Variants in NKAIN3 observed in about 807,000 individuals in gnomAD.
NKAIN3 encodes sodium/potassium transporting ATPase interacting 3.
Under a neutral mutation model 30.2 loss-of-function variants are expected in NKAIN3, and 25 were observed. The ratio of observed to expected loss-of-function variants is 0.83; its 90% CI spans 0.60 to 1.16. The LOEUF is 1.16. Ranked by LOEUF, NKAIN3 falls within the 50% of genes most tolerant of loss-of-function variation. The pLI, the probability that NKAIN3 is intolerant of heterozygous loss-of-function variation, is 0.00. For missense variants in NKAIN3, 225 were observed against 254.1 expected (o/e 0.89, Z 0.78); for synonymous variants, 91 against 89.6 (o/e 1.02, Z -0.09).
chr8:62,781,999 A>G (rs747002153), intron 4 of NKAIN3, among the ~76,000 whole-genome samples: 28 of 152,088 alleles, frequency 1.8e-4, no homozygotes, highest in Non-Finnish European at 3.8e-4. Context: ...GAGTGAAAAG[A>G]CAACCTCTTG....
At chr8:62,991,942 T>C (rs1246852609) in intron 5 of NKAIN3, among the ~76,000 whole-genome samples, 2 of 150,286 alleles carry the variant, frequency 1.3e-5, no homozygotes, top group African/African-American at 2.5e-5. Context: ...TAGCTGGAGT[T>C]GAGGTGCCAC....
chr8:62,711,658 G>A (rs1586116744), intron 3 of NKAIN3, among the ~76,000 whole-genome samples: 2 of 151,866 alleles, frequency 1.3e-5, no homozygotes, highest in Admixed American at 1.3e-4. Context: ...AACATTTTTT[G>A]GATTTCCTTG....
At chr8:62,804,551 A>G (rs1586215314) in intron 4 of NKAIN3, among the ~76,000 whole-genome samples, 1 of 152,214 alleles carries the variant, frequency 6.6e-6, no homozygotes, top group African/African-American at 2.4e-5. Context: ...GACAAAAACC[A>G]CACGATTATC....
intron 5 of NKAIN3, among the ~76,000 whole-genome samples, chr8:62,952,684 C>T (rs939198212): frequency 3.3e-5 from 5 of 152,152 alleles, no homozygotes; most frequent in African/African-American, 9.7e-5. Flanking sequence ...CAAACCAAAG[C>T]ACCTCCAAAA....
At chr8:62,870,291 G>GAT (rs1820584018) in intron 4 of NKAIN3, among the ~76,000 whole-genome samples, 1 of 32,304 alleles carries the variant, frequency 3.1e-5, no homozygotes, top group Non-Finnish European at 6.3e-5. Flanking sequence ...AATATCTATA[G>GAT]ATATATATAC....
At chr8:62,301,913 A>T (rs1421139243) in intron 1 of NKAIN3, among the ~76,000 whole-genome samples, 1 of 152,074 alleles carries the variant, frequency 6.6e-6, no homozygotes, top group Non-Finnish European at 1.5e-5. Context: ...GTTCTATTTC[A>T]TCTTGGAAAG....
chr8:62,383,519 C>G (rs1200879916), intron 1 of NKAIN3: 1 of 455,422 alleles, frequency 2.2e-6, no homozygotes, highest in African/African-American at 2.0e-5. Flanking sequence ...GCAGATCTTT[C>G]TCCTCAATGA....
intron 1 of NKAIN3, among the ~76,000 whole-genome samples, chr8:62,422,386 A>C (rs903797840): frequency 6.6e-6 from 1 of 152,148 alleles, no homozygotes; most frequent in African/African-American, 2.4e-5. Flanking sequence ...CAGAATTGGA[A>C]TGTGAAAAAT....
At chr8:62,931,931 G>A (rs933944157) in intron 5 of NKAIN3, among the ~76,000 whole-genome samples, 2 of 152,010 alleles carry the variant, frequency 1.3e-5, no homozygotes, top group Non-Finnish European at 2.9e-5. Context: ...ATTTTAAGTA[G>A]GCTGCTAACT....
chr8:62,308,577 T>A (rs562012991), intron 1 of NKAIN3, among the ~76,000 whole-genome samples: 1 of 150,586 alleles, frequency 6.6e-6, no homozygotes, highest in Admixed American at 6.6e-5. Context: ...GGAAAAGATA[T>A]AAGGATGGCC....
At chr8:62,249,205 G>T (rs1812002250) in intron 1 of NKAIN3, 78 bp downstream of exon 1, 4 of 1,240,742 alleles carry the variant, frequency 3.2e-6, no homozygotes, top group Admixed American at 4.7e-5. Flanking sequence ...CTGCGGTTCC[G>T]CAGCTCCCGG....
intron 3 of NKAIN3, among the ~76,000 whole-genome samples, chr8:62,724,685 T>C (rs916343914): frequency 2.0e-5 from 3 of 152,142 alleles, no homozygotes; most frequent in African/African-American, 7.2e-5. Flanking sequence ...TCCAGTTCCA[T>C]CCATGTTGTT....
intron 4 of NKAIN3, among the ~76,000 whole-genome samples, chr8:62,882,700 G>A (rs921969110): frequency 6.6e-6 from 1 of 151,952 alleles, no homozygotes; most frequent in Non-Finnish European, 1.5e-5. Flanking sequence ...TTATAGTTTT[G>A]TGTTTTACAT....
chr8:62,530,932 A>G (rs2129838435), intron 1 of NKAIN3, among the ~76,000 whole-genome samples: 1 of 152,212 alleles, frequency 6.6e-6, no homozygotes, highest in East Asian at 1.9e-4. Flanking sequence ...GGCGTGAACC[A>G]CCGTGCCTGG....
chr8:62,605,607 A>G lies in NKAIN3; in HGVS notation c.273+15813A>G, dbSNP rs949005279. On this transcript the variant is annotated intron_variant, in intron 3 of 6. Coordinates refer to ENST00000623646, the MANE Select transcript of NKAIN3 (RefSeq NM_001304533.3). ...GATCAAAACTATTTGGAAGAAAGCA[A>G]TAAAAAGTAACAATACAGAAATAAA... Among the ~76,000 whole-genome samples, 3 of 152,046 alleles carry G rather than the reference A, an allele frequency of 2.0e-5. 1 individual carries two copies. The South Asian group carries it at 6.2e-4, about 32-fold the overall frequency.
intron 3 of NKAIN3, among the ~76,000 whole-genome samples, chr8:62,708,254 C>A (rs775725699): frequency 1.4e-4 from 22 of 152,044 alleles, no homozygotes; most frequent in South Asian, 4.1e-4. Context: ...TTATCTAATT[C>A]TGTGAGGAAT....
At chr8:62,810,938 T>C (rs531242079) in intron 4 of NKAIN3, among the ~76,000 whole-genome samples, 5 of 152,278 alleles carry the variant, frequency 3.3e-5, no homozygotes, top group Non-Finnish European at 7.4e-5. Context: ...TGCCGAACTA[T>C]AGTACAATAT....
At chr8:62,342,335 T>C (rs1815778486) in intron 1 of NKAIN3, among the ~76,000 whole-genome samples, 1 of 152,014 alleles carries the variant, frequency 6.6e-6, no homozygotes, top group African/African-American at 2.4e-5. Context: ...AAGTATATTA[T>C]TTTATTGGCA....
rs913828328 is a variant in NKAIN3, at chr8:62,659,198, C to G, written c.273+69404C>G. ...TTTGTTCCACTTTGCTTGCTCTTCT[C>G]TACTGAGCTGGCCTCCAAGAGTCAT... On this transcript the variant is annotated intron_variant, in intron 3 of 6. Coordinates refer to ENST00000623646, the MANE Select transcript of NKAIN3 (RefSeq NM_001304533.3). Among the ~76,000 whole-genome samples the G allele has an allele frequency of 1.4e-4, 22 of 152,180 alleles. 1 individual carries two copies. The highest frequency in any genetic ancestry group is 1.2e-3 in the Admixed American group (18 of 15,276).
Sources: allele counts gnomAD v4.1 joint callset (sites outside exome capture counted in the v4.1 genomes callset), GRCh38; gene constraint gnomAD v4.1.1; transcripts MANE v1.5; gene names NCBI Gene and HGNC (gene_info 2026-07-23, HGNC 2026-07-21).